Variants in PACS1 observed in about 807,000 individuals in gnomAD.
PACS1 encodes PACS-1.
In PACS1, 24 loss-of-function variants were observed where a neutral mutation model predicts 115.0. The ratio of observed to expected loss-of-function variants is 0.21; its 90% CI spans 0.15 to 0.29. The LOEUF is 0.29. PACS1 is among the 10% of genes least tolerant of loss of function. The pLI is 1.00. For missense variants in PACS1, 838 were observed against 1,251.2 expected (o/e 0.67, Z 4.98); for synonymous variants, 453 against 504.5 (o/e 0.90, Z 1.37).
chr11:66,172,760 A>AAGGTCAAG (rs1859767777), intron 1 of PACS1, among the ~76,000 whole-genome samples: 1 of 152,134 alleles, frequency 6.6e-6, no homozygotes, highest in East Asian at 1.9e-4. Context: ...GCCAGATCAC[A>AAGGTCAAG]AGGTCAAGAG....
rs1350116267 is a variant in PACS1 at position 66,235,190 on chromosome 11, C to A, written c.2105-111C>A. The A allele has an allele frequency of 1.4e-6, 1 of 740,094 alleles. No homozygotes were observed. Among genetic ancestry groups the A allele is most frequent in the East Asian group, 2.6e-5 (1 of 38,692 alleles). 45.8% of individuals were successfully genotyped at this position (740,094 alleles called of 1,614,324 possible). A position where few individuals can be genotyped will look rare whatever the true frequency, so the allele number is the denominator to read the frequency against. ...AAGGACCGTAGAGCCCCATCCTTCACTCAACTCCTAGAGTCTGACGGGTCT... is the reference window on the plus strand; with the variant it reads ...AAGGACCGTAGAGCCCCATCCTTCAATCAACTCCTAGAGTCTGACGGGTCT... On this transcript the variant is annotated intron_variant, in intron 17 of 23. Transcript: ENST00000320580. The surrounding 1 kb of genome is among the most constrained non-coding windows in gnomAD (Gnocchi z 5.6).
chr11:66,106,428 C>T (rs1000934555), intron 1 of PACS1, among the ~76,000 whole-genome samples: 10 of 152,084 alleles, frequency 6.6e-5, no homozygotes, highest in Middle Eastern at 3.4e-3. Context: ...AAAAATTAGC[C>T]GGGCGTGGTG....
chr11:66,146,673 T>A (rs1859130763), intron 1 of PACS1, among the ~76,000 whole-genome samples: 1 of 152,216 alleles, frequency 6.6e-6, no homozygotes, highest in African/African-American at 2.4e-5. Flanking sequence ...ATGAAAATCA[T>A]GAATCTATGA....
chr11:66,160,688 G>A (rs1347208553), intron 1 of PACS1, among the ~76,000 whole-genome samples: 1 of 127,472 alleles, frequency 7.8e-6, no homozygotes, highest in Non-Finnish European at 1.7e-5. Flanking sequence ...TTTTTTTTTG[G>A]CAGGGGAGTG....
intron 11 of PACS1, among the ~76,000 whole-genome samples, chr11:66,229,635 C>T (rs921614567): frequency 4.6e-5 from 7 of 150,682 alleles, no homozygotes; most frequent in Non-Finnish European, 7.4e-5. Context: ...GCCGAGATCG[C>T]GCCACTGCAC....
intron 1 of PACS1, among the ~76,000 whole-genome samples, chr11:66,087,361 A>G (rs1442265821): frequency 1.3e-5 from 2 of 151,590 alleles, no homozygotes; most frequent in African/African-American, 2.4e-5. Flanking sequence ...CTGCCTCAGC[A>G]TTCCCCTGTA....
At chr11:66,207,402 G>A (rs1411141023) in intron 2 of PACS1, among the ~76,000 whole-genome samples, 1 of 149,992 alleles carries the variant, frequency 6.7e-6, no homozygotes, top group Non-Finnish European at 1.5e-5. Context: ...GGGAGGCGGA[G>A]ATTGCAGTGA....
Position 66,148,700 on chromosome 11 carries a change from C to T in PACS1, c.357-44786C>T, listed in dbSNP as rs770340855. 2.6e-5 allele frequency among the ~76,000 whole-genome samples: 4 copies of T among 152,024 alleles called. No homozygotes were observed. In the East Asian group the frequency reaches 5.8e-4, roughly 22 times the overall value. On this transcript the variant is annotated intron_variant, in intron 1 of 23. Coordinates refer to ENST00000320580, the MANE Select transcript of PACS1 (RefSeq NM_018026.4). ...CAGCACTTTGGGAGGCCAAGGAGGG[C>T]GGATCACTTGAGGTCAGGAGTTCAA...
intron 19 of PACS1, chr11:66,238,534 T>C (rs1855747979): frequency 2.7e-6 from 1 of 373,968 alleles, no homozygotes. Context: ...GGAGTCTCGC[T>C]CTGTCGCCCA....
intron 1 of PACS1, among the ~76,000 whole-genome samples, chr11:66,115,447 A>G (rs1858284555): frequency 6.6e-6 from 1 of 152,222 alleles, no homozygotes; most frequent in Non-Finnish European, 1.5e-5. Context: ...AGCACTCAAA[A>G]TATTTAAAAC....
At chr11:66,219,004 C>T (rs1434000522) in intron 7 of PACS1, among the ~76,000 whole-genome samples, 1 of 152,074 alleles carries the variant, frequency 6.6e-6, no homozygotes, top group Non-Finnish European at 1.5e-5. Context: ...CGGACACGTA[C>T]AGGCCTGACT....
intron 1 of PACS1, among the ~76,000 whole-genome samples, chr11:66,094,726 G>T (rs1401407668): frequency 6.3e-4 from 95 of 151,782 alleles, no homozygotes; most frequent in African/African-American, 2.0e-3. Flanking sequence ...TACCAAAGCC[G>T]GGCAGAGACA....
intron 1 of PACS1, among the ~76,000 whole-genome samples, chr11:66,118,350 G>A (rs995428047): frequency 6.6e-6 from 1 of 152,206 alleles, no homozygotes; most frequent in African/African-American, 2.4e-5. Context: ...TGTGGCTCAT[G>A]CCTATAATCC....
At chr11:66,172,596 A>G (rs1334746740) in intron 1 of PACS1, among the ~76,000 whole-genome samples, 8 of 152,172 alleles carry the variant, frequency 5.3e-5, no homozygotes, top group Non-Finnish European at 1.0e-4. Flanking sequence ...AGCCCCAGCC[A>G]CCAACTGGAT....
intron 7 of PACS1, 63 bp from the exon 8 acceptor site, chr11:66,219,683 T>G (rs771841161): frequency 1.6e-6 from 2 of 1,240,330 alleles, no homozygotes; most frequent in Non-Finnish European, 2.4e-6. Context: ...GGTGGGTGTT[T>G]ATTGACTTGA....
At chr11:66,099,268 G>C (rs917955688) in intron 1 of PACS1, among the ~76,000 whole-genome samples, 10 of 152,168 alleles carry the variant, frequency 6.6e-5, no homozygotes, top group Non-Finnish European at 1.3e-4. Context: ...CTGTCGCCCA[G>C]GCTGCAGTGC....
chr11:66,090,005 CAAAAAAAAA>C (rs33912143), intron 1 of PACS1, among the ~76,000 whole-genome samples: 1 of 80,596 alleles, frequency 1.2e-5, no homozygotes, highest in Non-Finnish European at 2.2e-5. Context: ...GACTCCATCT[CAAAAAAAAA>C]AAAAAAAAAA....
At position 66,235,255 on chromosome 11, in the gene PACS1, C is replaced by A; in HGVS notation, c.2105-46C>A. The A allele has an allele frequency of 6.8e-7, 1 of 1,462,092 alleles. No individual in the cohort carries two copies. Among genetic ancestry groups the A allele is most frequent in the Non-Finnish European group, 9.6e-7 (1 of 1,042,534 alleles). 90.6% of individuals were successfully genotyped at this position (1,462,092 alleles called of 1,614,324 possible). A position where few individuals can be genotyped will look rare whatever the true frequency, so the allele number is the denominator to read the frequency against. The stretch of plus-strand genomic sequence containing the variant: ...TCTCCGAGAGGGTCTGCAGGTTTGC[C>A]AGCTGAAGTCAGTAGGCAGTTAGTG... On this transcript the variant is annotated intron_variant, in intron 17 of 23. Coordinates refer to ENST00000320580, the MANE Select transcript of PACS1 (RefSeq NM_018026.4). The surrounding 1 kb of genome is among the most constrained non-coding windows in gnomAD (Gnocchi z 5.6).
chr11:66,142,380 G>A lies in PACS1; in HGVS notation c.357-51106G>A, dbSNP rs890893368. On this transcript the variant is annotated intron_variant, in intron 1 of 23. Transcript: ENST00000320580. ...GTCGCCCAGGCTGGAGTGCAATGCC[G>A]CAATCTCGGCTCACTGCAACCGCCA... Among the ~76,000 whole-genome samples, 3 of 152,056 alleles carry A rather than the reference G, an allele frequency of 2.0e-5. No homozygotes were observed. In the East Asian group the frequency reaches 5.8e-4, roughly 29 times the overall value.
Sources: gnomAD v4.1 joint callset for allele counts (sites outside exome capture counted in the v4.1 genomes callset) on GRCh38, gnomAD v4.1.1 for gene constraint, Gnocchi (gnomAD v3.1) non-coding constraint, MANE v1.5 for transcripts, NCBI Gene and HGNC (gene_info 2026-07-23, HGNC 2026-07-21) for gene names.